Variants in CSF1R observed in about 807,000 individuals in gnomAD.
CSF1R encodes the protein macrophage colony-stimulating factor 1 receptor.
CSF1R carries 40 observed loss-of-function variants against 110.0 expected under a neutral mutation model. The ratio of observed to expected loss-of-function variants is 0.36; its 90% CI spans 0.28 to 0.47. The LOEUF (loss-of-function observed/expected upper bound fraction) is 0.47. Ranked by LOEUF, CSF1R falls within the 20% of genes least tolerant of loss-of-function variation. The pLI, the probability that CSF1R is intolerant of heterozygous loss-of-function variation, is 0.99. For synonymous variants in CSF1R, 523 were observed against 503.4 expected (o/e 1.04, Z -0.52); for missense variants, 1,052 against 1,253.0 (o/e 0.84, Z 2.42).
At chr5:150,104,218 CAG>C (rs1759483163) in intron 1 of CSF1R, among the ~76,000 whole-genome samples, 2 of 152,322 alleles carry the variant, frequency 1.3e-5, no homozygotes, top group South Asian at 4.1e-4. Context: ...CCCAGGCTGG[CAG>C]AGACCCCTCT....
chr5:150,097,280 G>GGA, intron 1 of CSF1R, among the ~76,000 whole-genome samples: 1 of 120,624 alleles, frequency 8.3e-6, no homozygotes, highest in Non-Finnish European at 1.7e-5. Context: ...AAGGAAGGAA[G>GGA]GAAGGAGAAG....
intron 1 of CSF1R, among the ~76,000 whole-genome samples, chr5:150,081,637 TCATTGGTATGTTAGG>T (rs1409373271): frequency 6.6e-6 from 1 of 152,104 alleles, no homozygotes; most frequent in Non-Finnish European, 1.5e-5. Flanking sequence ...TCGTACCCAC[TCATTGGTATGTTAGG>T]CATTTTAAAT....
chr5:150,080,942 G>A lies in CSF1R; in HGVS notation c.132C>T (p.Gly44=), dbSNP rs1443776257. The A allele has an allele frequency of 1.9e-6, 3 of 1,614,186 alleles. No individual in the cohort carries two copies. Among genetic ancestry groups the A allele is most frequent in the Non-Finnish European group, 2.5e-6 (3 of 1,180,024 alleles). The change falls in exon 2 of 21, where the codon GGC becomes GGT. Residue 44 remains glycine, a synonymous_variant. Transcript: ENST00000675795. ...GGCCATCCCATTCCACGCTGCCATT[G>A]CCCACACATCGCAAGGTCACCGTTG... ...PGATVTLRCV[G]NGSVEWDGPP...
At chr5:150,085,419 G>T (rs569306513) in intron 1 of CSF1R, among the ~76,000 whole-genome samples, 1 of 152,112 alleles carries the variant, frequency 6.6e-6, no homozygotes, top group African/African-American at 2.4e-5. Context: ...CCAGTATGAG[G>T]CTGTCCTTTC....
chr5:150,092,778 G>A (rs907444405), intron 1 of CSF1R, among the ~76,000 whole-genome samples: 1 of 152,208 alleles, frequency 6.6e-6, no homozygotes, highest in Non-Finnish European at 1.5e-5. Context: ...TTCAAGGTGA[G>A]AATTGGGTGG....
chr5:150,057,525 T>C lies in CSF1R; in HGVS notation c.2200A>G (p.Asn734Asp). 1 of 1,614,158 alleles carries C rather than the reference T, an allele frequency of 6.2e-7. No individual in the cohort carries two copies. The highest frequency in any genetic ancestry group is 1.7e-5 in the Admixed American group (1 of 60,028). Residue 734 changes from asparagine to aspartate, a missense_variant, in exon 15 of 21, where the codon AAT (asparagine) becomes GAT (aspartate). By Grantham distance (23) the Asn-to-Asp change is conservative. Transcript: ENST00000675795. ...TCACCTTGCTCAGAGAAGGAGTCAT[T>C]TGAAGAAGTGGAGACAGGCCTCATC... ...VEMRPVSTSS[N>D]DSFSEQDLDK...
intron 18 of CSF1R, among the ~76,000 whole-genome samples, 175 bp downstream of exon 18, chr5:150,055,851 C>T (rs569874724): frequency 3.2e-4 from 48 of 152,362 alleles, no homozygotes; most frequent in Admixed American, 1.3e-3. Flanking sequence ...CTGTCAGGGG[C>T]AGAGGGTCTG....
At chr5:150,080,007 T>A in intron 3 of CSF1R, 45 bp downstream of exon 3, 1 of 1,589,060 alleles carries the variant, frequency 6.3e-7, no homozygotes, top group East Asian at 2.2e-5. Context: ...CGGCTCTCTG[T>A]CCCCACTCTT....
rs1757970922 is a variant in CSF1R, at chr5:150,070,168, T to C, written c.1319+14A>G. On this transcript the variant is annotated intron_variant, in intron 8 of 20. Transcript: ENST00000675795. ...CCTGAGCCCAGGTGAGGGAGGTGAG[T>C]GGAGCCCACTTACCTATCAGTGTGG... 18 of 1,612,676 alleles carry C rather than the reference T, an allele frequency of 1.1e-5. No homozygotes were observed. In the East Asian group the frequency reaches 3.8e-4, roughly 34 times the overall value.
In CSF1R at chr5:150,070,286, G is replaced by C; in HGVS notation, c.1215C>G (p.Ser405Arg). The C allele has an allele frequency of 6.2e-7, 1 of 1,614,092 alleles. No individual in the cohort carries two copies. The highest frequency in any genetic ancestry group is 8.5e-7 in the Non-Finnish European group (1 of 1,179,990). The change falls in exon 8 of 21, where the codon AGC becomes AGG. Residue 405 changes from serine (S) to arginine (R), a missense_variant. Around this residue, in one of 5 missense-constraint regions of CSF1R, gnomAD observed 693 missense variants for 735.4 expected, o/e 0.94. Coordinates refer to ENST00000675795, the MANE Select transcript of CSF1R (RefSeq NM_001288705.3). ...AGCCGTTGATGAATGTCCATATGAC[G>C]CTTACCTCTGGGGGGTCTGAGGAAG... ...ELTLRYPPEV[S>R]VIWTFINGSG... is the part of the protein sequence containing the mutation.
intron 5 of CSF1R, 63 bp from the exon 6 acceptor site, chr5:150,073,556 T>G (rs1261154802): frequency 5.8e-6 from 9 of 1,544,684 alleles, no homozygotes; most frequent in African/African-American, 1.4e-5. Context: ...TATTTGTCCA[T>G]TTTGTCATCC....
chr5:150,108,491 C>G (rs552433155), intron 1 of CSF1R, among the ~76,000 whole-genome samples: 1 of 152,282 alleles, frequency 6.6e-6, no homozygotes, highest in South Asian at 2.1e-4. Flanking sequence ...GGAGTCTCGA[C>G]TTTGCTGGGC....
intron 10 of CSF1R, among the ~76,000 whole-genome samples, chr5:150,067,998 G>T (rs912053481): frequency 1.3e-5 from 2 of 152,118 alleles, no homozygotes; most frequent in Admixed American, 6.5e-5. Flanking sequence ...TATTTGATTA[G>T]CACCTGTCTC....
chr5:150,088,691 G>A (rs1179832846), upstream of CSF1R, among the ~76,000 whole-genome samples: 1 of 152,010 alleles, frequency 6.6e-6, no homozygotes, highest in Non-Finnish European at 1.5e-5. Context: ...GCGCCACCAT[G>A]CCCAGCTAAT....
At chr5:150,060,441 C>T (rs1360719879) in intron 13 of CSF1R, among the ~76,000 whole-genome samples, 1 of 152,054 alleles carries the variant, frequency 6.6e-6, no homozygotes, top group Non-Finnish European at 1.5e-5. Flanking sequence ...GAGCTGCTAT[C>T]AGTGAAGAGG....
chr5:150,087,694 A>G (rs1758896742), upstream of CSF1R, among the ~76,000 whole-genome samples: 1 of 151,174 alleles, frequency 6.6e-6, no homozygotes, highest in African/African-American at 2.4e-5. Flanking sequence ...TTAGTATTTT[A>G]CTTCTTATCT....
At chr5:150,101,772 C>T (rs1356138973) in intron 1 of CSF1R, among the ~76,000 whole-genome samples, 2 of 151,700 alleles carry the variant, frequency 1.3e-5, no homozygotes, top group African/African-American at 4.8e-5. Flanking sequence ...TAATCACAGC[C>T]TCTCTCCCCG....
At chr5:150,069,765 T>C in intron 9 of CSF1R, 108 bp downstream of exon 9, 1 of 1,086,152 alleles carries the variant, frequency 9.2e-7, no homozygotes, top group Non-Finnish European at 1.3e-6. Context: ...GCTCCAAAGG[T>C]GGAGCCAACC....
At chr5:150,109,931 C>T in intron 1 of CSF1R, among the ~76,000 whole-genome samples, 1 of 152,230 alleles carries the variant, frequency 6.6e-6, no homozygotes, top group East Asian at 1.9e-4. Flanking sequence ...CCAAGTTTCT[C>T]TTCAAAGAAT....
Sources: allele counts gnomAD v4.1 joint callset (sites outside exome capture counted in the v4.1 genomes callset), GRCh38; gene constraint gnomAD v4.1.1; regional missense constraint gnomAD v4.1.1; transcripts MANE v1.5; gene names NCBI Gene and HGNC (gene_info 2026-07-23, HGNC 2026-07-21).